SLC4A10: variants seen among roughly 807,000 people sequenced by gnomAD.
The protein encoded by SLC4A10 is solute carrier family 4 member 10.
A neutral mutation model predicts 137.7 loss-of-function variants in SLC4A10; 42 were observed. The observed-to-expected ratio is 0.30, with a 90% CI of 0.24 to 0.39. The LOEUF is 0.39. Among genes scored for constraint, SLC4A10 ranks in the 10% least tolerant of loss-of-function variants. The pLI is 1.00. For synonymous variants in SLC4A10, 474 were observed against 464.1 expected (o/e 1.02, Z -0.27); for missense variants, 925 against 1,355.0 (o/e 0.68, Z 4.98).
At chr2:161,651,352 G>C (rs903650510) in intron 1 of SLC4A10, 2 of 152,334 alleles carry the variant, frequency 1.3e-5, no homozygotes, top group African/African-American at 4.8e-5. Flanking sequence ...TCTCCACCTG[G>C]CTCACCCTCC....
At chr2:161,676,305 CT>C (rs2040267930) in intron 1 of SLC4A10, among the ~76,000 whole-genome samples, 1 of 152,150 alleles carries the variant, frequency 6.6e-6, no homozygotes, top group Admixed American at 6.6e-5. Context: ...TATATCCCTT[CT>C]GAAAAGACTG....
intron 2 of SLC4A10, among the ~76,000 whole-genome samples, chr2:161,799,521 A>G (rs1575025025): frequency 6.6e-6 from 1 of 151,982 alleles, no homozygotes; most frequent in East Asian, 1.9e-4. Context: ...TAATATAGAG[A>G]GAAACAGGAA....
intron 1 of SLC4A10, among the ~76,000 whole-genome samples, chr2:161,746,920 G>A (rs1313082998): frequency 5.9e-5 from 9 of 152,104 alleles, no homozygotes; most frequent in Admixed American, 5.9e-4. Context: ...ACTCTGGTTA[G>A]TGTTTTATTT....
At chr2:161,726,283 A>C (rs770018233) in intron 1 of SLC4A10, among the ~76,000 whole-genome samples, 7 of 152,194 alleles carry the variant, frequency 4.6e-5, no homozygotes, top group Non-Finnish European at 8.8e-5. Context: ...TTACTCTGAA[A>C]ACATAGTAGA....
chr2:161,712,543 C>T (rs1006271299), intron 1 of SLC4A10, among the ~76,000 whole-genome samples: 1 of 151,644 alleles, frequency 6.6e-6, no homozygotes, highest in Non-Finnish European at 1.5e-5. Context: ...TATTTCTTGG[C>T]ATTTTTATTC....
intron 1 of SLC4A10, among the ~76,000 whole-genome samples, chr2:161,764,821 C>T (rs571943681): frequency 2.4e-4 from 37 of 152,156 alleles, no homozygotes; most frequent in African/African-American, 8.4e-4. Flanking sequence ...TGCTATTGCT[C>T]TCTAATATTT....
chr2:161,693,065 T>A (rs2042158116), intron 1 of SLC4A10, among the ~76,000 whole-genome samples: 1 of 151,924 alleles, frequency 6.6e-6, no homozygotes, highest in East Asian at 1.9e-4. Flanking sequence ...GATGAAAGAG[T>A]GATTCTCTCA....
chr2:161,830,863 T>C (rs1394229825), intron 3 of SLC4A10, among the ~76,000 whole-genome samples: 1 of 152,162 alleles, frequency 6.6e-6, no homozygotes, highest in Non-Finnish European at 1.5e-5. Context: ...TTGTGATAAG[T>C]AGATCAAGAG....
chr2:161,719,137 A>G (rs182219995), intron 1 of SLC4A10, among the ~76,000 whole-genome samples: 268 of 151,734 alleles, frequency 1.8e-3, no homozygotes, highest in African/African-American at 6.3e-3. Context: ...CCCACCTATG[A>G]GTGAGAACGT....
At chr2:161,803,563 T>A (rs2055598001) in intron 2 of SLC4A10, among the ~76,000 whole-genome samples, 1 of 152,190 alleles carries the variant, frequency 6.6e-6, no homozygotes, top group Non-Finnish European at 1.5e-5. Flanking sequence ...CTGATATTTT[T>A]ACTGTCTCTA....
intron 1 of SLC4A10, among the ~76,000 whole-genome samples, chr2:161,761,240 A>G (rs747525534): frequency 2.6e-5 from 4 of 152,030 alleles, no homozygotes; most frequent in Non-Finnish European, 5.9e-5. Flanking sequence ...AGAATGGGAG[A>G]ATCGGCAACA....
At chr2:161,954,180 T>C (rs1402317827) in intron 19 of SLC4A10, among the ~76,000 whole-genome samples, 2 of 152,228 alleles carry the variant, frequency 1.3e-5, no homozygotes, top group African/African-American at 2.4e-5. Flanking sequence ...ATTTGATATG[T>C]TCTTTTTTGC....
intron 10 of SLC4A10, among the ~76,000 whole-genome samples, chr2:161,891,626 GTT>G (rs2062933113): frequency 6.6e-6 from 1 of 151,912 alleles, no homozygotes. Context: ...AAGTTCTTGT[GTT>G]GTGTTTTTCA....
At chr2:161,950,252 A>G (rs534575529) in intron 18 of SLC4A10, among the ~76,000 whole-genome samples, 37 of 152,278 alleles carry the variant, frequency 2.4e-4, no homozygotes, top group Admixed American at 1.0e-3. Context: ...GTTCTAGCAC[A>G]GTGGTCAATG....
intron 1 of SLC4A10, among the ~76,000 whole-genome samples, chr2:161,733,854 C>A (rs1047714681): frequency 2.0e-5 from 3 of 152,144 alleles, no homozygotes; most frequent in Non-Finnish European, 4.4e-5. Context: ...ATCAGCGTGA[C>A]CTGGATGTGA....
intron 15 of SLC4A10, among the ~76,000 whole-genome samples, chr2:161,906,987 C>T (rs1025311703): frequency 7.2e-6 from 1 of 139,556 alleles, no homozygotes; most frequent in African/African-American, 2.7e-5. Flanking sequence ...ACCCGGGAGG[C>T]GGAGCTTGCA....
chr2:161,917,379 A>G (rs971697283), intron 15 of SLC4A10, among the ~76,000 whole-genome samples: 2 of 151,862 alleles, frequency 1.3e-5, no homozygotes, highest in African/African-American at 4.8e-5. Flanking sequence ...GATAGTGTAG[A>G]TAGTTAGTGT....
chr2:161,694,728 T>C (rs1266013581), intron 1 of SLC4A10, among the ~76,000 whole-genome samples: 1 of 152,016 alleles, frequency 6.6e-6, no homozygotes, highest in Non-Finnish European at 1.5e-5. Context: ...CTTTAAACCT[T>C]AACCCAATTT....
At chr2:161,848,602 T>G (rs564009844) in intron 4 of SLC4A10, among the ~76,000 whole-genome samples, 1 of 152,328 alleles carries the variant, frequency 6.6e-6, no homozygotes, top group East Asian at 1.9e-4. Flanking sequence ...TGCATATGGC[T>G]AGCCAGTTAT....
Sources: allele counts gnomAD v4.1 joint callset (sites outside exome capture counted in the v4.1 genomes callset), GRCh38; gene constraint gnomAD v4.1.1; transcripts MANE v1.5; gene names NCBI Gene and HGNC (gene_info 2026-07-23, HGNC 2026-07-21).